The following KCNH8 variants were observed in gnomAD, a reference collection of about 807,000 sequenced individuals.
KCNH8 encodes potassium voltage-gated channel subfamily H member 8, also known as voltage-gated delayed rectifier potassium channel KCNH8.
In KCNH8, 70 loss-of-function variants were observed where a neutral mutation model predicts 103.6. The observed-to-expected ratio is 0.68, with a 90% CI of 0.56 to 0.82. The LOEUF (loss-of-function observed/expected upper bound fraction) is 0.82, where lower values mean the gene tolerates loss of function less well. Among genes scored for constraint, KCNH8 ranks in the 40% least tolerant of loss-of-function variants. KCNH8 has a pLI of 0.00. For missense variants in KCNH8, 1,217 were observed against 1,329.9 expected (o/e 0.92, Z 1.32); for synonymous variants, 498 against 489.4 (o/e 1.02, Z -0.23).
intron 7 of KCNH8, among the ~76,000 whole-genome samples, chr3:19,429,444 G>A (rs2067085723): frequency 6.6e-6 from 1 of 152,094 alleles, no homozygotes; most frequent in Non-Finnish European, 1.5e-5. Context: ...AAAGTGCTGG[G>A]ATTACAGGCG....
intron 1 of KCNH8, among the ~76,000 whole-genome samples, chr3:19,167,441 A>G (rs1229952171): frequency 2.6e-5 from 4 of 152,234 alleles, no homozygotes; most frequent in African/African-American, 9.7e-5. Context: ...TCCTCTTTCA[A>G]TTTATAAACT....
chr3:19,284,510 T>TGG (rs1559458578), intron 3 of KCNH8, among the ~76,000 whole-genome samples: 1 of 83,432 alleles, frequency 1.2e-5, no homozygotes, highest in East Asian at 4.1e-4. Flanking sequence ...GATCTGCTGG[T>TGG]GTGTGTGTGT....
Position 19,515,558 on chromosome 3 carries a change from TAC to T in KCNH8, c.2542+131_2542+132del, listed in dbSNP as rs2068860807. The T allele has an allele frequency of 7.0e-5, 30 of 429,646 alleles. No individual in the cohort carries two copies. The South Asian group carries it at 1.8e-3, about 25-fold the overall frequency. 26.6% of individuals were successfully genotyped at this position (429,646 alleles called of 1,614,324 possible). On this transcript the variant is annotated intron_variant, in intron 14 of 15. Transcript: ENST00000328405. ...TCTCCCTGTCATAGAACCTTACCAA[TAC>T]CATTGAATAATTTGACATGAGTTTA...
chr3:19,325,638 G>A (rs541859181), intron 3 of KCNH8, among the ~76,000 whole-genome samples: 1 of 152,196 alleles, frequency 6.6e-6, no homozygotes, highest in South Asian at 2.1e-4. Flanking sequence ...CAATGAGATA[G>A]CATCTCACAA....
intron 4 of KCNH8, chr3:19,346,514 T>C (rs1404295455): frequency 7.1e-6 from 3 of 422,232 alleles, no homozygotes; most frequent in African/African-American, 4.1e-5. Flanking sequence ...AGTAGAAACA[T>C]GGGTTGAAAA....
At chr3:19,518,296 A>C (rs1358401148) in intron 15 of KCNH8, among the ~76,000 whole-genome samples, 1 of 152,024 alleles carries the variant, frequency 6.6e-6, no homozygotes, top group African/African-American at 2.4e-5. Flanking sequence ...AAGAATAATA[A>C]TGCCTGCCTT....
intron 5 of KCNH8, among the ~76,000 whole-genome samples, chr3:19,368,329 AGT>A: frequency 6.6e-6 from 1 of 152,138 alleles, no homozygotes; most frequent in South Asian, 2.1e-4. Context: ...TAATTCCATA[AGT>A]GTAGGAAAGA....
chr3:19,524,602 C>T (rs75233267), intron 15 of KCNH8, among the ~76,000 whole-genome samples: 9,445 of 150,742 alleles, frequency 0.063, 334 homozygotes, highest in South Asian at 0.098. Context: ...GAAAAAAAAA[C>T]GTATGTCATT....
chr3:19,422,716 T>G (rs933879655), intron 7 of KCNH8, among the ~76,000 whole-genome samples: 1 of 152,082 alleles, frequency 6.6e-6, no homozygotes, highest in Non-Finnish European at 1.5e-5. Flanking sequence ...AGGTGCCTCA[T>G]CCTGAGCTAG....
rs78908098 is a variant in KCNH8, at chr3:19,268,955, C to A, written c.311-12243C>A. ...CTTTGGGAAATGAGAAAGAAGGAAG[C>A]ATCAAGGATGACTCTAAATTGTGCA... On this transcript the variant is annotated intron_variant, in intron 2 of 15. Coordinates refer to ENST00000328405, the MANE Select transcript of KCNH8 (RefSeq NM_144633.3). Among the ~76,000 whole-genome samples the A allele has an allele frequency of 1.1e-3, 171 of 152,198 alleles. 2 individuals are homozygous for A. The East Asian group carries it at 0.026, about 23-fold the overall frequency.
At chr3:19,238,858 C>G (rs893967991) in intron 1 of KCNH8, among the ~76,000 whole-genome samples, 1 of 152,112 alleles carries the variant, frequency 6.6e-6, no homozygotes, top group South Asian at 2.1e-4. Flanking sequence ...GCAGGAGAAG[C>G]GTATCTTACA....
intron 1 of KCNH8, among the ~76,000 whole-genome samples, chr3:19,153,620 TTTTC>T (rs1208824260): frequency 6.6e-6 from 1 of 151,204 alleles, no homozygotes; most frequent in South Asian, 2.1e-4. Context: ...TTTTCTTTTC[TTTTC>T]TTTCTTTTTT....
chr3:19,196,805 A>G (rs984413003), intron 1 of KCNH8, among the ~76,000 whole-genome samples: 3 of 152,056 alleles, frequency 2.0e-5, no homozygotes, highest in Non-Finnish European at 4.4e-5. Flanking sequence ...TTTGATACCT[A>G]TATGCTTTAT....
At chr3:19,354,326 A>C (rs186554250) in intron 5 of KCNH8, among the ~76,000 whole-genome samples, 1 of 152,158 alleles carries the variant, frequency 6.6e-6, no homozygotes, top group Non-Finnish European at 1.5e-5. Context: ...TATAGACTCA[A>C]TGCTATCCCC....
rs548304952 is a variant in KCNH8 at position 19,359,507 on chromosome 3, T to C, written c.811+11542T>C. ...TTTGAAAAACGTGATCGACACCTGA[T>C]ACAATATCGTTTAAGTAGAATTCCT... On this transcript the variant is annotated intron_variant, in intron 5 of 15. Coordinates refer to ENST00000328405, the MANE Select transcript of KCNH8 (RefSeq NM_144633.3). 3.3e-5 allele frequency among the ~76,000 whole-genome samples: 5 copies of C among 152,148 alleles called. No homozygotes were observed. In the South Asian group the frequency reaches 6.2e-4, roughly 19 times the overall value.
chr3:19,458,538 G>A (rs142543892), intron 11 of KCNH8, among the ~76,000 whole-genome samples: 147 of 151,854 alleles, frequency 9.7e-4, no homozygotes, highest in African/African-American at 3.4e-3. Context: ...TATACATTTT[G>A]GAATGGCTAA....
intron 1 of KCNH8, among the ~76,000 whole-genome samples, chr3:19,170,815 T>A (rs925566860): frequency 2.1e-5 from 3 of 140,020 alleles, no homozygotes; most frequent in East Asian, 2.0e-4. Context: ...TATATATTTT[T>A]TTTTTTTTTT....
chr3:19,250,344 A>G (rs770394244), intron 1 of KCNH8, among the ~76,000 whole-genome samples: 1 of 152,214 alleles, frequency 6.6e-6, no homozygotes, highest in Non-Finnish European at 1.5e-5. Flanking sequence ...TATACTTATA[A>G]TAATAAAAGT....
chr3:19,431,982 G>A (rs200404315), intron 7 of KCNH8, among the ~76,000 whole-genome samples: 29 of 150,948 alleles, frequency 1.9e-4, no homozygotes, highest in East Asian at 5.8e-4. Context: ...AGGGTTTTTC[G>A]TGTCTCTACT....
Sources: gnomAD v4.1 joint callset for allele counts (sites outside exome capture counted in the v4.1 genomes callset) on GRCh38, gnomAD v4.1.1 for gene constraint, MANE v1.5 for transcripts, NCBI Gene and HGNC (gene_info 2026-07-23, HGNC 2026-07-21) for gene names.